The following WDR7 variants were observed in gnomAD, a reference collection of about 807,000 sequenced individuals.
WDR7 encodes WD repeat-containing protein 7.
WDR7 carries 46 observed loss-of-function variants against 169.4 expected under a neutral mutation model. The ratio of observed to expected loss-of-function variants is 0.27; its 90% confidence interval spans 0.21 to 0.35. WDR7 has a LOEUF of 0.35. Among genes scored for constraint, WDR7 ranks in the 10% least tolerant of loss-of-function variants. The pLI is 1.00. For missense variants in WDR7, 1,534 were observed against 1,859.3 expected (o/e 0.83, Z 3.22); for synonymous variants, 612 against 666.8 (o/e 0.92, Z 1.27).
At chr18:56,850,589 A>G (rs2045626665) in intron 20 of WDR7, among the ~76,000 whole-genome samples, 1 of 152,112 alleles carries the variant, frequency 6.6e-6, no homozygotes, top group Non-Finnish European at 1.5e-5. Flanking sequence ...GGCCCACTGC[A>G]GCCTCAACCT....
intron 25 of WDR7, among the ~76,000 whole-genome samples, chr18:56,954,959 G>A (rs1361647724): frequency 1.3e-5 from 2 of 152,074 alleles, no homozygotes; most frequent in East Asian, 3.8e-4. Context: ...CAAGTGAAAA[G>A]CTGAATCAGC....
chr18:57,020,463 T>C (rs1355454440), intron 26 of WDR7, among the ~76,000 whole-genome samples: 1 of 152,230 alleles, frequency 6.6e-6, no homozygotes, highest in Non-Finnish European at 1.5e-5. Context: ...ATTAGCACAT[T>C]GGTTTGCCTA....
intron 21 of WDR7, among the ~76,000 whole-genome samples, chr18:56,907,137 A>G (rs2046489082): frequency 1.3e-5 from 2 of 152,360 alleles, no homozygotes; most frequent in Middle Eastern, 3.4e-3. Flanking sequence ...ATTCAAGAAC[A>G]AAATAGCTGG....
At chr18:56,821,356 A>C (rs949306240) in intron 20 of WDR7, among the ~76,000 whole-genome samples, 3 of 152,162 alleles carry the variant, frequency 2.0e-5, no homozygotes, top group Non-Finnish European at 4.4e-5. Flanking sequence ...ATATATTTCC[A>C]GATATGTAGT....
chr18:57,015,771 G>T (rs1235209964), intron 26 of WDR7, among the ~76,000 whole-genome samples: 1 of 152,188 alleles, frequency 6.6e-6, no homozygotes, highest in Non-Finnish European at 1.5e-5. Context: ...GGCGTTGCCG[G>T]GTATCATTAA....
rs756589673 is a variant in WDR7 at position 56,821,811 on chromosome 18, A to C, written c.3304+5667A>C. ...GGCATTTGAGACTATCCTACACAAC[A>C]GGGAGATACCCTATCTCTACAAAAA... is the stretch of plus-strand genomic sequence containing the variant. On this transcript the variant is annotated intron_variant, in intron 20 of 27. Coordinates refer to ENST00000254442, the MANE Select transcript of WDR7 (RefSeq NM_015285.3). 5.9e-5 allele frequency among the ~76,000 whole-genome samples: 9 copies of C among 151,852 alleles called. 2 individuals are homozygous for C. In the South Asian group the frequency reaches 1.7e-3, roughly 28 times the overall value.
intron 26 of WDR7, among the ~76,000 whole-genome samples, chr18:57,000,236 A>G (rs2047956130): frequency 6.6e-6 from 1 of 152,226 alleles, no homozygotes; most frequent in African/African-American, 2.4e-5. Context: ...AATCACATTT[A>G]TACTTTTAAA....
At chr18:56,931,352 C>T (rs867983367) in intron 22 of WDR7, among the ~76,000 whole-genome samples, 5 of 152,220 alleles carry the variant, frequency 3.3e-5, no homozygotes, top group Admixed American at 1.3e-4. Flanking sequence ...ACAGACAATG[C>T]ACTCTTGACT....
At chr18:56,668,088 G>C (rs961589335) in intron 1 of WDR7, among the ~76,000 whole-genome samples, 6 of 152,152 alleles carry the variant, frequency 3.9e-5, no homozygotes, top group Admixed American at 1.3e-4. Flanking sequence ...ATCCCTCTCT[G>C]TTATATCACA....
intron 21 of WDR7, among the ~76,000 whole-genome samples, chr18:56,888,564 A>G (rs1237801221): frequency 1.3e-5 from 2 of 152,188 alleles, no homozygotes; most frequent in African/African-American, 4.8e-5. Flanking sequence ...GTTTTATATC[A>G]GCACACTTCA....
chr18:56,738,350 G>A (rs1344155183), intron 14 of WDR7, among the ~76,000 whole-genome samples: 3 of 152,114 alleles, frequency 2.0e-5, no homozygotes, highest in Admixed American at 1.3e-4. Context: ...TAGGCGGATC[G>A]TTTGAATCAG....
In WDR7 at chr18:56,695,036, G is replaced by T. The variant is rs1202684137; in HGVS notation, c.1195G>T (p.Val399Leu). 5.0e-6 allele frequency: 8 copies of T among 1,614,172 alleles called. No individual in the cohort carries two copies. Among genetic ancestry groups the T allele is most frequent in the Non-Finnish European group, 5.9e-6 (7 of 1,180,022 alleles). ...TGCTGGAATTATAGATCAGCTGAGT[G>T]TGATTCCCAATAGTAATGAACCTCT... ...CPAGIIDQLS[V>L]IPNSNEPLKV... Residue 399 changes from valine to leucine, a missense_variant, in exon 11 of 28, where the codon GTG becomes TTG. Physicochemically the swap from Val to Leu is conservative, Grantham distance 32. Transcript: ENST00000254442.
At chr18:56,694,459 T>C (rs958854454) in intron 9 of WDR7, among the ~76,000 whole-genome samples, 160 bp from the exon 10 acceptor site, 2 of 152,196 alleles carry the variant, frequency 1.3e-5, no homozygotes, top group Admixed American at 6.5e-5. Flanking sequence ...GTTAGTGCTA[T>C]AGAATTACAT....
chr18:56,864,989 A>G (rs2045861276), intron 20 of WDR7, among the ~76,000 whole-genome samples: 1 of 152,042 alleles, frequency 6.6e-6, no homozygotes, highest in Non-Finnish European at 1.5e-5. Flanking sequence ...AAGACCGATC[A>G]TTACATTGAT....
intron 20 of WDR7, among the ~76,000 whole-genome samples, chr18:56,834,360 G>A (rs913620229): frequency 2.4e-4 from 37 of 152,182 alleles, no homozygotes; most frequent in African/African-American, 8.2e-4. Flanking sequence ...GTGGTATAAC[G>A]ATGTGACTCA....
chr18:56,840,097 A>T (rs1248556686), intron 20 of WDR7, among the ~76,000 whole-genome samples: 1 of 152,042 alleles, frequency 6.6e-6, no homozygotes, highest in East Asian at 1.9e-4. Context: ...AACAAACAAA[A>T]AAATAAGCAA....
intron 22 of WDR7, among the ~76,000 whole-genome samples, chr18:56,934,931 C>A (rs954671454): frequency 6.6e-6 from 1 of 152,064 alleles, no homozygotes; most frequent in Non-Finnish European, 1.5e-5. Context: ...GGGCAGATCA[C>A]GTGCCACATT....
intron 20 of WDR7, among the ~76,000 whole-genome samples, chr18:56,876,731 G>A (rs1599121212): frequency 6.6e-6 from 1 of 152,212 alleles, no homozygotes; most frequent in Middle Eastern, 3.4e-3. Context: ...ATGTAAAATA[G>A]TGGAAATAAG....
At position 56,900,080 on chromosome 18, in the gene WDR7, G is replaced by GTATATATATATA. The variant is rs772841290; in HGVS notation, c.3526+19916_3526+19917insATATATATATAT. Among the ~76,000 whole-genome samples, 266 of 30,190 alleles carry GTATATATATATA rather than the reference G, an allele frequency of 8.8e-3. 1 individual carries two copies. Among genetic ancestry groups the GTATATATATATA allele is most frequent in the African/African-American group, 0.015 (251 of 16,336 alleles). 19.8% of individuals were successfully genotyped at this position (30,190 alleles called of 152,430 possible). A position where few individuals can be genotyped will look rare whatever the true frequency, so the allele number is the denominator to read the frequency against. On this transcript the variant is annotated intron_variant, in intron 21 of 27. Transcript: ENST00000254442. ...CATATATATATGTGTGTGTGTGTGTGTGTATATATATATATATATATATAT... is the reference window on the plus strand; with the variant it reads ...CATATATATATGTGTGTGTGTGTGTGTATATATATATATGTATATATATATATATATATATAT...
Sources: allele counts gnomAD v4.1 joint callset (sites outside exome capture counted in the v4.1 genomes callset), GRCh38; gene constraint gnomAD v4.1.1; transcripts MANE v1.5; gene names NCBI Gene and HGNC (gene_info 2026-07-23, HGNC 2026-07-21).